Variants in STK32A observed in about 807,000 individuals in gnomAD.
STK32A encodes serine/threonine kinase 32A.
A neutral mutation model predicts 53.2 loss-of-function variants in STK32A; 41 were observed. The observed-to-expected ratio is 0.77, with a 90% CI of 0.60 to 1.00. The LOEUF (loss-of-function observed/expected upper bound fraction) is 1.00, where lower values mean the gene tolerates loss of function less well. Among genes scored for constraint, STK32A ranks in the 50% least tolerant of loss-of-function variants. STK32A has a pLI of 0.00. For missense variants in STK32A, 458 were observed against 485.8 expected (o/e 0.94, Z 0.54); for synonymous variants, 166 against 162.8 (o/e 1.02, Z -0.15).
the STK32A span, chr5:147,394,178 G>GGGA: frequency 3.8e-6 from 6 of 1,573,588 alleles, no homozygotes; most frequent in Non-Finnish European, 5.2e-6. Context: ...GGCGGGTAGG[G>GGGA]GGATGTGGGC....
intron 7 of STK32A, among the ~76,000 whole-genome samples, chr5:147,358,780 GAAAT>G (rs983665037): frequency 2.8e-4 from 43 of 151,930 alleles, no homozygotes; most frequent in African/African-American, 9.7e-4. Context: ...ATAAAGCACT[GAAAT>G]AAATAAATAG....
chr5:147,291,296 A>G (rs528583761), intron 4 of STK32A, among the ~76,000 whole-genome samples: 1 of 152,254 alleles, frequency 6.6e-6, no homozygotes, highest in East Asian at 1.9e-4. Context: ...TCTTATTCCC[A>G]GATGGTCCTG....
At chr5:147,248,061 C>T (rs567020555) in intron 2 of STK32A, among the ~76,000 whole-genome samples, 5 of 144,372 alleles carry the variant, frequency 3.5e-5, no homozygotes, top group South Asian at 2.2e-4. Flanking sequence ...GCAGAGGTTG[C>T]GGTGAGCCCA....
At chr5:147,310,258 C>T (rs1251812097) in intron 4 of STK32A, among the ~76,000 whole-genome samples, 1 of 152,146 alleles carries the variant, frequency 6.6e-6, no homozygotes. Flanking sequence ...GGTAAAGGAA[C>T]ATTGGGTGCA....
At chr5:147,324,426 G>A (rs1416147726) in intron 5 of STK32A, among the ~76,000 whole-genome samples, 1 of 152,108 alleles carries the variant, frequency 6.6e-6, no homozygotes, top group Non-Finnish European at 1.5e-5. Context: ...AGAATGAAAA[G>A]AAAGAAAGTT....
intron 11 of STK32A, among the ~76,000 whole-genome samples, chr5:147,382,286 T>C (rs185437986): frequency 1.3e-5 from 2 of 152,296 alleles, no homozygotes; most frequent in East Asian, 3.9e-4. Flanking sequence ...TAGTTTCTTT[T>C]TAGGTTTTCT....
chr5:147,280,611 T>G (rs1752018790), intron 4 of STK32A, among the ~76,000 whole-genome samples: 1 of 146,128 alleles, frequency 6.8e-6, no homozygotes. Context: ...CCCACCCCCA[T>G]TCCCCACAGC....
At chr5:147,307,382 A>C (rs985734974) in intron 4 of STK32A, among the ~76,000 whole-genome samples, 1 of 152,088 alleles carries the variant, frequency 6.6e-6, no homozygotes, top group African/African-American at 2.4e-5. Flanking sequence ...GCACTGTGGA[A>C]GGCCGAGGCA....
At chr5:147,398,420 C>T in the STK32A span, among the ~76,000 whole-genome samples, 1 of 152,146 alleles carries the variant, frequency 6.6e-6, no homozygotes, top group Non-Finnish European at 1.5e-5. Context: ...TTCTGTACCT[C>T]CAATTTTTAA....
chr5:147,325,454 A>G (rs1242435313), intron 5 of STK32A, among the ~76,000 whole-genome samples: 6 of 152,152 alleles, frequency 3.9e-5, no homozygotes, highest in Admixed American at 6.5e-5. Context: ...TACTCAGCCT[A>G]TAATTTATCT....
At chr5:147,265,891 A>G (rs1251197943) in intron 2 of STK32A, among the ~76,000 whole-genome samples, 1 of 152,122 alleles carries the variant, frequency 6.6e-6, no homozygotes, top group Non-Finnish European at 1.5e-5. Flanking sequence ...GAATTGTAAA[A>G]TCCAGCAGAA....
chr5:147,301,339 A>T (rs1753123976), intron 4 of STK32A, among the ~76,000 whole-genome samples: 1 of 152,070 alleles, frequency 6.6e-6, no homozygotes, highest in African/African-American at 2.4e-5. Flanking sequence ...CATGAAAGGT[A>T]GCTTTTCAGG....
chr5:147,373,439 C>T (rs1757093822), intron 10 of STK32A, 145 bp downstream of exon 10: 2 of 1,166,892 alleles, frequency 1.7e-6, no homozygotes, highest in Non-Finnish European at 2.4e-6. Context: ...AGAATTGAGA[C>T]ATGCACAGGG....
At chr5:147,335,141 G>A (rs2151983875) in intron 5 of STK32A, among the ~76,000 whole-genome samples, 1 of 152,214 alleles carries the variant, frequency 6.6e-6, no homozygotes, top group African/African-American at 2.4e-5. Context: ...TGGGTAAAAA[G>A]GAAAACTGCA....
chr5:147,312,254 C>T (rs544058921), intron 4 of STK32A, among the ~76,000 whole-genome samples: 96 of 151,194 alleles, frequency 6.3e-4, no homozygotes, highest in African/African-American at 2.3e-3. Context: ...AGCCTGCCAC[C>T]ATGCCCAGCT....
At chr5:147,396,884 T>G in the STK32A span, among the ~76,000 whole-genome samples, 3 of 139,640 alleles carry the variant, frequency 2.1e-5, no homozygotes, top group Admixed American at 7.4e-5. Context: ...TATATATATA[T>G]AGTGTGTGTA....
At chr5:147,351,629 A>G (rs1755986884) in intron 7 of STK32A, among the ~76,000 whole-genome samples, 1 of 152,098 alleles carries the variant, frequency 6.6e-6, no homozygotes, top group Admixed American at 6.5e-5. Context: ...TAGGCAGATC[A>G]TGAGGTCAAA....
chr5:147,292,595 G>T (rs1390807295), intron 4 of STK32A, among the ~76,000 whole-genome samples: 1 of 152,218 alleles, frequency 6.6e-6, no homozygotes, highest in Non-Finnish European at 1.5e-5. Context: ...CTGGCCAGGT[G>T]CATTGGCTGA....
intron 4 of STK32A, among the ~76,000 whole-genome samples, chr5:147,297,820 A>C (rs116348721): frequency 1.3e-5 from 2 of 152,172 alleles, no homozygotes; most frequent in African/African-American, 4.8e-5. Flanking sequence ...TCTACTAAAA[A>C]ATACAAAAAA....
Sources: allele counts gnomAD v4.1 joint callset (sites outside exome capture counted in the v4.1 genomes callset), GRCh38; gene constraint gnomAD v4.1.1; transcripts MANE v1.5; gene names NCBI Gene and HGNC (gene_info 2026-07-23, HGNC 2026-07-21).